The following TDRD7 variants were observed in gnomAD, a reference collection of about 807,000 sequenced individuals.
TDRD7 encodes tudor domain containing 7, also known as tudor domain-containing protein 7.
TDRD7 carries 47 observed loss-of-function variants against 109.8 expected under a neutral mutation model. The observed-to-expected ratio is 0.43, with a 90% CI of 0.34 to 0.55. The LOEUF (loss-of-function observed/expected upper bound fraction) is 0.55, where lower values mean the gene tolerates loss of function less well. Among genes scored for constraint, TDRD7 ranks in the 20% least tolerant of loss-of-function variants. The pLI, the probability that TDRD7 is intolerant of heterozygous loss-of-function variation, is 0.03. For missense variants in TDRD7, 1,164 were observed against 1,319.2 expected (o/e 0.88, Z 1.82); for synonymous variants, 424 against 457.3 (o/e 0.93, Z 0.93).
At chr9:97,445,227 C>G (rs1420644439) in intron 6 of TDRD7, among the ~76,000 whole-genome samples, 4 of 152,170 alleles carry the variant, frequency 2.6e-5, no homozygotes, top group Non-Finnish European at 5.9e-5. Flanking sequence ...TACAGCAACA[C>G]CTCTTGGCTG....
At position 97,464,962 on chromosome 9, in the gene TDRD7, C is replaced by T. The variant is rs746124150; in HGVS notation, c.1563C>T (p.Ala521=). Reference sequence around the variant, plus strand: ...CTGTGAATGTTGGGCAGTTGCTGGCCGTAAATGCCGAGGAGGACGCCTGGT... The same window carrying T: ...CTGTGAATGTTGGGCAGTTGCTGGCTGTAAATGCCGAGGAGGACGCCTGGT... ...VQAVNVGQLL[A]VNAEEDAWLR... Residue 521 remains alanine (A), a synonymous_variant, in exon 8 of 17, where the codon GCC becomes GCT. Coordinates refer to ENST00000355295, the MANE Select transcript of TDRD7 (RefSeq NM_014290.3). 4.3e-6 allele frequency: 7 copies of T among 1,614,038 alleles called. No homozygotes were observed. Among genetic ancestry groups the T allele is most frequent in the Admixed American group, 3.3e-5 (2 of 60,018 alleles).
At chr9:97,487,912 T>G (rs944147845) in intron 16 of TDRD7, among the ~76,000 whole-genome samples, 6 of 152,228 alleles carry the variant, frequency 3.9e-5, no homozygotes, top group African/African-American at 1.4e-4. Flanking sequence ...AAAACATTCC[T>G]GGGTCATGGA....
chr9:97,468,440 AG>A (rs1212639385), intron 8 of TDRD7, among the ~76,000 whole-genome samples: 3 of 152,236 alleles, frequency 2.0e-5, no homozygotes, highest in African/African-American at 7.2e-5. Flanking sequence ...TAAAAAAGGT[AG>A]CTCGGTATTT....
chr9:97,427,598 T>C (rs1193176190), intron 1 of TDRD7, among the ~76,000 whole-genome samples: 1 of 152,228 alleles, frequency 6.6e-6, no homozygotes, highest in Admixed American at 6.5e-5. Context: ...CCAAAATGAA[T>C]TGGCCTCTTC....
At chr9:97,465,322 T>C (rs1828805160) in intron 8 of TDRD7, among the ~76,000 whole-genome samples, 1 of 152,194 alleles carries the variant, frequency 6.6e-6, no homozygotes, top group African/African-American at 2.4e-5. Flanking sequence ...GGATGTATAA[T>C]GAATACTGAC....
At chr9:97,438,800 T>C (rs1828246832) in intron 4 of TDRD7, among the ~76,000 whole-genome samples, 1 of 152,232 alleles carries the variant, frequency 6.6e-6, no homozygotes, top group Non-Finnish European at 1.5e-5. Context: ...TTCTAAGTTC[T>C]CTACCATTTT....
intron 13 of TDRD7, chr9:97,480,482 C>T (rs1397218126): frequency 2.8e-5 from 8 of 290,268 alleles, no homozygotes; most frequent in Non-Finnish European, 4.7e-5. Context: ...AAGTCCCAAC[C>T]CTGTCTTTGC....
At chr9:97,421,840 C>T (rs1460399538) in intron 1 of TDRD7, among the ~76,000 whole-genome samples, 3 of 151,866 alleles carry the variant, frequency 2.0e-5, no homozygotes, top group South Asian at 2.1e-4. Context: ...AAATTACAGA[C>T]GTGAACCACC....
intron 12 of TDRD7, 23 bp from the exon 13 acceptor site, chr9:97,478,416 A>C (rs781221464): frequency 6.2e-7 from 1 of 1,613,986 alleles, no homozygotes. Flanking sequence ...CTAATAAATG[A>C]GCCAACACTT....
chr9:97,496,089 C>G lies in TDRD7; in HGVS notation c.*206C>G, dbSNP rs1829393699. 4 of 525,480 alleles carry G rather than the reference C, an allele frequency of 7.6e-6. No homozygotes were observed. In the African/African-American group the frequency reaches 7.7e-5, roughly 10 times the overall value. The allele number at this position is 525,480 out of a possible 1,614,324, so 32.6% of individuals were successfully genotyped here. ...AAAGAAAATTGTACTTGAATTATTA[C>G]TATAATATTAGAATAAAAATGTTTA... On this transcript the variant is annotated 3_prime_UTR_variant, in exon 17 of 17. Transcript: ENST00000355295.
intron 11 of TDRD7, among the ~76,000 whole-genome samples, chr9:97,474,366 AC>A (rs1828975145): frequency 6.6e-6 from 1 of 152,042 alleles, no homozygotes; most frequent in Non-Finnish European, 1.5e-5. Flanking sequence ...CCTCTAACCC[AC>A]AAAGCACATC....
intron 7 of TDRD7, among the ~76,000 whole-genome samples, chr9:97,464,456 C>T (rs1828789225): frequency 6.6e-6 from 1 of 152,154 alleles, no homozygotes; most frequent in South Asian, 2.1e-4. Flanking sequence ...CTCCTGGGTT[C>T]AAGCGATTCT....
At chr9:97,421,745 A>G (rs1175152810) in intron 1 of TDRD7, among the ~76,000 whole-genome samples, 1 of 124,666 alleles carries the variant, frequency 8.0e-6, no homozygotes, top group Non-Finnish European at 1.7e-5. Flanking sequence ...TGTGTGTGTG[A>G]AGACGGAGTC....
intron 6 of TDRD7, among the ~76,000 whole-genome samples, chr9:97,452,986 G>T (rs944751327): frequency 6.6e-6 from 1 of 152,156 alleles, no homozygotes; most frequent in Admixed American, 6.5e-5. Flanking sequence ...TGGGAGAGGG[G>T]AGACTAAGCA....
chr9:97,468,045 A>G (rs941245333), intron 8 of TDRD7, among the ~76,000 whole-genome samples: 2 of 152,248 alleles, frequency 1.3e-5, no homozygotes, highest in Non-Finnish European at 2.9e-5. Flanking sequence ...GTGGAGAACA[A>G]TTGAGAATTT....
intron 12 of TDRD7, among the ~76,000 whole-genome samples, chr9:97,477,641 G>C (rs1195730154): frequency 1.3e-5 from 2 of 152,000 alleles, no homozygotes; most frequent in African/African-American, 4.8e-5. Flanking sequence ...GTGATGTATG[G>C]AAAGTCAGAG....
chr9:97,439,785 G>A (rs959894858), intron 5 of TDRD7, among the ~76,000 whole-genome samples: 1 of 152,184 alleles, frequency 6.6e-6, no homozygotes, highest in African/African-American at 2.4e-5. Flanking sequence ...ATCTAAATAT[G>A]AATATAAATA....
At chr9:97,441,548 C>A in intron 5 of TDRD7, 110 bp from the exon 6 acceptor site, 1 of 962,664 alleles carries the variant, frequency 1.0e-6, no homozygotes, top group Non-Finnish European at 1.6e-6. Context: ...AGTCCTTTGG[C>A]TACCACAAGC....
intron 16 of TDRD7, among the ~76,000 whole-genome samples, chr9:97,494,700 A>ATATATATATATG (rs1829365136): frequency 4.2e-5 from 4 of 94,350 alleles, no homozygotes; most frequent in Non-Finnish European, 4.6e-5. Flanking sequence ...ATATGTATAT[A>ATATATATATATG]TATATATATA....
Sources: gnomAD v4.1 joint callset for allele counts (sites outside exome capture counted in the v4.1 genomes callset) on GRCh38, gnomAD v4.1.1 for gene constraint, MANE v1.5 for transcripts, NCBI Gene and HGNC (gene_info 2026-07-23, HGNC 2026-07-21) for gene names.